Variants in LRRTM4 observed in about 807,000 individuals in gnomAD.
LRRTM4 encodes leucine rich repeat transmembrane neuronal 4.
In LRRTM4, 25 loss-of-function variants were observed where a neutral mutation model predicts 47.6. That is an observed-to-expected ratio of 0.53 (90% CI 0.38 to 0.73). The LOEUF is 0.73. Ranked by LOEUF, LRRTM4 falls within the 30% of genes least tolerant of loss-of-function variation. The pLI is 0.00. For synonymous variants in LRRTM4, 311 were observed against 269.5 expected (o/e 1.15, Z -1.51); for missense variants, 638 against 713.4 (o/e 0.89, Z 1.20).
chr2:76,982,354 A>G (rs1055796105), intron 3 of LRRTM4, among the ~76,000 whole-genome samples: 1 of 152,104 alleles, frequency 6.6e-6, no homozygotes, highest in Non-Finnish European at 1.5e-5. Context: ...CAAAAGGGAC[A>G]AAAATATTTA....
At chr2:77,329,716 C>T (rs371355116) in intron 3 of LRRTM4, among the ~76,000 whole-genome samples, 47 of 152,018 alleles carry the variant, frequency 3.1e-4, no homozygotes, top group East Asian at 1.9e-3. Flanking sequence ...GCAGGATGCA[C>T]GGGGACTTCT....
intron 3 of LRRTM4, among the ~76,000 whole-genome samples, chr2:77,287,381 C>T (rs896983480): frequency 6.6e-6 from 1 of 151,544 alleles, no homozygotes; most frequent in African/African-American, 2.4e-5. Context: ...TCATGCTTTA[C>T]CTTAAAATTT....
At chr2:76,851,755 G>GT (rs34184474) in intron 3 of LRRTM4, among the ~76,000 whole-genome samples, 6,350 of 117,664 alleles carry the variant, frequency 0.054, 224 homozygotes, top group Middle Eastern at 0.096. Context: ...ACTTTTATTC[G>GT]TTTTTTTTTT....
chr2:77,241,796 T>C (rs556347611), intron 3 of LRRTM4, among the ~76,000 whole-genome samples: 1 of 152,164 alleles, frequency 6.6e-6, no homozygotes, highest in Non-Finnish European at 1.5e-5. Context: ...TGTATAGTTT[T>C]AGCACTTATG....
At chr2:77,068,498 C>T (rs1256127610) in intron 3 of LRRTM4, among the ~76,000 whole-genome samples, 3 of 152,164 alleles carry the variant, frequency 2.0e-5, no homozygotes, top group African/African-American at 7.2e-5. Context: ...CCATGAATCT[C>T]CTTTCTATCT....
At chr2:76,842,001 T>C (rs549425652) in intron 3 of LRRTM4, among the ~76,000 whole-genome samples, 95 of 152,310 alleles carry the variant, frequency 6.2e-4, no homozygotes, top group Admixed American at 6.2e-3. Flanking sequence ...ACTGAGCTAC[T>C]GGATGTCCAG....
At chr2:77,303,905 C>T (rs1256955995) in intron 3 of LRRTM4, among the ~76,000 whole-genome samples, 1 of 152,092 alleles carries the variant, frequency 6.6e-6, no homozygotes, top group Non-Finnish European at 1.5e-5. Context: ...GTGACTAGTG[C>T]TTCAGTGAAC....
At chr2:77,463,732 G>C (rs529881675) in intron 3 of LRRTM4, among the ~76,000 whole-genome samples, 3 of 152,060 alleles carry the variant, frequency 2.0e-5, no homozygotes, top group Non-Finnish European at 4.4e-5. Flanking sequence ...AGTAATGAAA[G>C]TGATGTACAT....
chr2:77,008,871 A>G (rs955123347), intron 3 of LRRTM4, among the ~76,000 whole-genome samples: 3 of 151,416 alleles, frequency 2.0e-5, no homozygotes, highest in African/African-American at 7.3e-5. Flanking sequence ...CTGGGTTAGC[A>G]CTTTCTGTCT....
intron 3 of LRRTM4, among the ~76,000 whole-genome samples, chr2:77,332,546 T>C (rs1288082195): frequency 6.6e-6 from 1 of 152,218 alleles, no homozygotes; most frequent in Non-Finnish European, 1.5e-5. Flanking sequence ...CAATTCCATC[T>C]GGCTTCTGTC....
chr2:76,925,447 G>A (rs758991638), intron 3 of LRRTM4, among the ~76,000 whole-genome samples: 12 of 152,094 alleles, frequency 7.9e-5, no homozygotes, highest in Non-Finnish European at 1.3e-4. Flanking sequence ...ATCCATTTAA[G>A]CTCTGTCTGG....
chr2:77,369,335 T>C (rs1672571796), intron 3 of LRRTM4, among the ~76,000 whole-genome samples: 2 of 151,450 alleles, frequency 1.3e-5, no homozygotes, highest in African/African-American at 2.4e-5. Context: ...CCATGGGATC[T>C]TAAAAAAAAA....
intron 3 of LRRTM4, among the ~76,000 whole-genome samples, chr2:76,839,067 T>A (rs929919163): frequency 2.6e-5 from 4 of 152,274 alleles, no homozygotes; most frequent in African/African-American, 9.6e-5. Context: ...ATGTAACTAT[T>A]CTGCACTGAA....
At chr2:77,182,484 C>T (rs1015576892) in intron 3 of LRRTM4, among the ~76,000 whole-genome samples, 9 of 152,058 alleles carry the variant, frequency 5.9e-5, no homozygotes, top group African/African-American at 1.4e-4. Flanking sequence ...CAAACCACCA[C>T]GGCACACATA....
At chr2:77,246,066 C>T (rs906785931) in intron 3 of LRRTM4, among the ~76,000 whole-genome samples, 1 of 152,168 alleles carries the variant, frequency 6.6e-6, no homozygotes, top group Non-Finnish European at 1.5e-5. Flanking sequence ...CCCAGTTTGA[C>T]TAGCCATCTT....
chr2:77,053,858 C>A (rs559169606), intron 3 of LRRTM4, among the ~76,000 whole-genome samples: 1 of 152,138 alleles, frequency 6.6e-6, no homozygotes, highest in African/African-American at 2.4e-5. Context: ...CATACTAAGA[C>A]AATGGCTAAA....
intron 3 of LRRTM4, among the ~76,000 whole-genome samples, chr2:77,350,362 A>AAAAAC: frequency 6.8e-6 from 1 of 147,376 alleles, no homozygotes; most frequent in Non-Finnish European, 1.5e-5. Context: ...AAAAAAAAAA[A>AAAAAC]AGAAATTGGA....
chr2:76,927,600 A>G lies in LRRTM4; in HGVS notation c.1552-178684T>C, dbSNP rs372935888. On this transcript the variant is annotated intron_variant, in intron 3 of 3. Coordinates refer to ENST00000409884, the MANE Select transcript of LRRTM4 (RefSeq NM_001134745.3). The stretch of plus-strand genomic sequence containing the variant: ...CCAATACCTTTCTCTATTCCAATCC[A>G]CTAATTTACTTGGGTTTCTGTCTCT... Among the ~76,000 whole-genome samples the G allele has an allele frequency of 1.5e-4, 23 of 152,250 alleles. No individual in the cohort carries two copies. The East Asian group carries it at 3.3e-3, about 22-fold the overall frequency.
chr2:77,487,309 G>GA (rs537748262), intron 3 of LRRTM4, among the ~76,000 whole-genome samples: 85 of 152,348 alleles, frequency 5.6e-4, no homozygotes, highest in African/African-American at 2.0e-3. Context: ...CTGCAGGCTT[G>GA]AAAGTACCTG....
Sources: allele counts gnomAD v4.1 joint callset (sites outside exome capture counted in the v4.1 genomes callset), GRCh38; gene constraint gnomAD v4.1.1; transcripts MANE v1.5; gene names NCBI Gene and HGNC (gene_info 2026-07-23, HGNC 2026-07-21).